Variants in NR3C2 observed in about 807,000 individuals in gnomAD.
The protein encoded by NR3C2 is nuclear receptor subfamily 3 group C member 2, also known as mineralocorticoid receptor.
Under a neutral mutation model 86.4 loss-of-function variants are expected in NR3C2, and 15 were observed. That is an observed-to-expected ratio of 0.17 (90% CI 0.12 to 0.27). NR3C2 has a LOEUF of 0.27. NR3C2 is among the 10% of genes least tolerant of loss of function. The pLI, the probability that NR3C2 is intolerant of heterozygous loss-of-function variation, is 1.00. For synonymous variants in NR3C2, 458 were observed against 450.5 expected (o/e 1.02, Z -0.21); for missense variants, 960 against 1,195.6 (o/e 0.80, Z 2.91).
intron 2 of NR3C2, among the ~76,000 whole-genome samples, chr4:148,308,643 G>A (rs184295095): frequency 4.6e-5 from 7 of 152,254 alleles, no homozygotes; most frequent in Admixed American, 4.6e-4. Flanking sequence ...ACAGCTAAAA[G>A]GAAGGAGTAA....
intron 2 of NR3C2, among the ~76,000 whole-genome samples, chr4:148,419,637 A>C (rs576896138): frequency 1.3e-5 from 2 of 152,334 alleles, no homozygotes; most frequent in Admixed American, 1.3e-4. Context: ...CATTCTTTAC[A>C]TATCAGTGAC....
chr4:148,338,684 C>A (rs560644018), intron 2 of NR3C2, among the ~76,000 whole-genome samples: 1 of 152,122 alleles, frequency 6.6e-6, no homozygotes, highest in Non-Finnish European at 1.5e-5. Context: ...ATGCAGTGAA[C>A]TGGAGACATG....
Position 148,382,388 on chromosome 4 carries a change from T to C in NR3C2, c.1757+52716A>G, listed in dbSNP as rs75449950. The stretch of plus-strand genomic sequence containing the variant: ...TAATATTAATCAAGCACTTACTATG[T>C]AACAGCTGTTCCACATGCACATTAA... On this transcript the variant is annotated intron_variant, in intron 2 of 8. Coordinates refer to ENST00000358102, the MANE Select transcript of NR3C2 (RefSeq NM_000901.5). 2.8e-3 allele frequency among the ~76,000 whole-genome samples: 421 copies of C among 152,340 alleles called. 5 individuals carry two copies. Among genetic ancestry groups the C allele is most frequent in the African/African-American group, 9.7e-3 (403 of 41,588 alleles).
At chr4:148,236,442 G>T (rs1166716092) in intron 3 of NR3C2, among the ~76,000 whole-genome samples, 1 of 151,852 alleles carries the variant, frequency 6.6e-6, no homozygotes, top group Non-Finnish European at 1.5e-5. Context: ...GATAACTTTA[G>T]AATAATTCAC....
intron 4 of NR3C2, among the ~76,000 whole-genome samples, 169 bp downstream of exon 4, chr4:148,194,577 T>C (rs1471752233): frequency 6.6e-6 from 1 of 152,204 alleles, no homozygotes; most frequent in Non-Finnish European, 1.5e-5. Context: ...TGACTCCAGC[T>C]AATAAATATT....
At chr4:148,318,526 C>T (rs999008738) in intron 2 of NR3C2, among the ~76,000 whole-genome samples, 2 of 151,052 alleles carry the variant, frequency 1.3e-5, no homozygotes, top group Non-Finnish European at 2.9e-5. Context: ...TCCACATCCT[C>T]TCCAGCACCT....
chr4:148,208,687 C>T (rs145273106), intron 3 of NR3C2: 35 of 152,430 alleles, frequency 2.3e-4, no homozygotes, highest in Non-Finnish European at 4.0e-4. Flanking sequence ...CTGCACTCTG[C>T]CTTCTGGGCT....
chr4:148,341,328 A>T (rs1370236154), intron 2 of NR3C2, among the ~76,000 whole-genome samples: 1 of 152,180 alleles, frequency 6.6e-6, no homozygotes, highest in Non-Finnish European at 1.5e-5. Context: ...ACTGGAGGGC[A>T]TTATATTAAG....
At chr4:148,408,114 C>T (rs1748510493) in intron 2 of NR3C2, among the ~76,000 whole-genome samples, 1 of 152,144 alleles carries the variant, frequency 6.6e-6, no homozygotes, top group African/African-American at 2.4e-5. Context: ...AATCAATACC[C>T]TTAGCTACAA....
chr4:148,127,614 C>T (rs113748371), intron 6 of NR3C2, among the ~76,000 whole-genome samples: 2,381 of 152,270 alleles, frequency 0.016, 29 homozygotes, highest in Non-Finnish European at 0.024. Context: ...ACTTAAGAAC[C>T]GTGAGTACTA....
chr4:148,269,724 G>A (rs1296413648), intron 2 of NR3C2, among the ~76,000 whole-genome samples: 1 of 152,214 alleles, frequency 6.6e-6, no homozygotes, highest in Non-Finnish European at 1.5e-5. Flanking sequence ...TCTGTGGCAT[G>A]TGTGAGCATA....
intron 2 of NR3C2, among the ~76,000 whole-genome samples, chr4:148,410,402 G>A (rs1037749888): frequency 2.0e-5 from 3 of 152,146 alleles, no homozygotes; most frequent in Admixed American, 6.5e-5. Context: ...CTACACCATC[G>A]TCCAAGAATT....
At chr4:148,358,317 T>C (rs1452031782) in intron 2 of NR3C2, among the ~76,000 whole-genome samples, 1 of 152,052 alleles carries the variant, frequency 6.6e-6, no homozygotes, top group Non-Finnish European at 1.5e-5. Context: ...TCATGTCCTT[T>C]GTAGGGACAT....
chr4:148,216,621 A>G lies in NR3C2; in HGVS notation c.1898-21759T>C, dbSNP rs564587745. ...CTGGAAACTTTTCAAAATACTTTCAATTTATTAAATCCTTTCAATTTATTA... is the reference window on the plus strand; with the variant it reads ...CTGGAAACTTTTCAAAATACTTTCAGTTTATTAAATCCTTTCAATTTATTA... On this transcript the variant is annotated intron_variant, in intron 3 of 8. Coordinates refer to ENST00000358102, the MANE Select transcript of NR3C2 (RefSeq NM_000901.5). Among the ~76,000 whole-genome samples the G allele has an allele frequency of 7.2e-5, 11 of 152,334 alleles. 1 individual carries two copies. The South Asian group carries it at 1.9e-3, about 26-fold the overall frequency.
intron 4 of NR3C2, among the ~76,000 whole-genome samples, chr4:148,171,010 T>C (rs1735100495): frequency 1.3e-5 from 2 of 152,222 alleles, no homozygotes; most frequent in Admixed American, 1.3e-4. Flanking sequence ...CTGGTTGATC[T>C]CAACATTCAC....
At chr4:148,340,010 T>C (rs72656823) in intron 2 of NR3C2, among the ~76,000 whole-genome samples, 191 of 152,178 alleles carry the variant, frequency 1.3e-3, no homozygotes, top group Non-Finnish European at 2.4e-3. Flanking sequence ...AAAAGATCTC[T>C]ATAAGAAAAA....
intron 2 of NR3C2, among the ~76,000 whole-genome samples, chr4:148,398,790 A>G (rs949842583): frequency 6.6e-6 from 1 of 152,236 alleles, no homozygotes; most frequent in African/African-American, 2.4e-5. Context: ...GAAATTCAAA[A>G]TAATTACCAA....
chr4:148,412,756 C>T (rs971385704), intron 2 of NR3C2, among the ~76,000 whole-genome samples: 4 of 151,970 alleles, frequency 2.6e-5, no homozygotes, highest in African/African-American at 9.7e-5. Context: ...CTGAAATCTC[C>T]CTCTCTGACC....
Position 148,435,250 on chromosome 4 carries a change from T to C in NR3C2, c.1611A>G (p.Arg537=). ...IGAQGTISLS[R]SARDQSFQHL... is the part of the protein sequence containing the mutation. ...GTTGGAAAGATTGGTCTCTAGCCGA[T>C]CGTGATAAAGATATTGTACCTTGAG... The change falls in exon 2 of 9, where the codon CGA becomes CGG. Residue 537 remains arginine, a synonymous_variant. Coordinates refer to ENST00000358102, the MANE Select transcript of NR3C2 (RefSeq NM_000901.5). 1 of 1,614,174 alleles carries C rather than the reference T, an allele frequency of 6.2e-7. No homozygotes were observed. The highest frequency in any genetic ancestry group is 8.5e-7 in the Non-Finnish European group (1 of 1,180,034).
Sources: allele counts gnomAD v4.1 joint callset (sites outside exome capture counted in the v4.1 genomes callset), GRCh38; gene constraint gnomAD v4.1.1; transcripts MANE v1.5; gene names NCBI Gene and HGNC (gene_info 2026-07-23, HGNC 2026-07-21).